Variants in RGS7 observed in about 807,000 individuals in gnomAD.
RGS7 encodes the protein regulator of G-protein signaling 7.
In RGS7, 27 loss-of-function variants were observed where a neutral mutation model predicts 81.1. That is an observed-to-expected ratio of 0.33 (90% CI 0.25 to 0.46). The LOEUF (loss-of-function observed/expected upper bound fraction) is 0.46, where lower values mean the gene tolerates loss of function less well. Ranked by LOEUF, RGS7 falls within the 20% of genes least tolerant of loss-of-function variation. RGS7 has a pLI of 1.00. For missense variants in RGS7, 396 were observed against 607.4 expected (o/e 0.65, Z 3.66); for synonymous variants, 208 against 207.7 (o/e 1.00, Z -0.01).
intron 2 of RGS7, among the ~76,000 whole-genome samples, chr1:241,219,520 A>G (rs2074772193): frequency 6.6e-6 from 1 of 152,174 alleles, no homozygotes; most frequent in African/African-American, 2.4e-5. Context: ...CAGGGACCCC[A>G]CTAGAGATGT....
intron 6 of RGS7, among the ~76,000 whole-genome samples, chr1:240,912,382 T>C (rs1375395833): frequency 6.6e-6 from 1 of 152,172 alleles, no homozygotes; most frequent in Non-Finnish European, 1.5e-5. Flanking sequence ...AAATAGTTTT[T>C]ACACTTTAAT....
chr1:241,337,301 A>G (rs562304278), intron 2 of RGS7, among the ~76,000 whole-genome samples: 2 of 152,200 alleles, frequency 1.3e-5, no homozygotes, highest in South Asian at 2.1e-4. Flanking sequence ...TCTTGCCCTG[A>G]CTCAAACGGC....
intron 2 of RGS7, among the ~76,000 whole-genome samples, chr1:241,214,179 G>C (rs570515054): frequency 6.6e-6 from 1 of 152,118 alleles, no homozygotes; most frequent in African/African-American, 2.4e-5. Flanking sequence ...CCCCCTCCTT[G>C]AGCATTTCTC....
chr1:240,958,729 T>C (rs181884825), intron 4 of RGS7, among the ~76,000 whole-genome samples: 24 of 152,264 alleles, frequency 1.6e-4, no homozygotes, highest in Admixed American at 1.3e-3. Context: ...CTTTAACATT[T>C]ATGTATATGT....
At chr1:240,876,401 A>C (rs1665422769) in intron 6 of RGS7, among the ~76,000 whole-genome samples, 1 of 152,124 alleles carries the variant, frequency 6.6e-6, no homozygotes, top group Non-Finnish European at 1.5e-5. Flanking sequence ...CCTTGATGTG[A>C]GCAGAAAGCA....
intron 3 of RGS7, among the ~76,000 whole-genome samples, chr1:241,021,223 T>C (rs1351500497): frequency 6.6e-6 from 1 of 152,186 alleles, no homozygotes; most frequent in Non-Finnish European, 1.5e-5. Flanking sequence ...TGAGTCCTCA[T>C]TCTACTGTGA....
At chr1:241,181,174 A>AC (rs2071583869) in intron 2 of RGS7, among the ~76,000 whole-genome samples, 1 of 152,346 alleles carries the variant, frequency 6.6e-6, no homozygotes, top group African/African-American at 2.4e-5. Context: ...AATGTACAAC[A>AC]CCAAGAGGGA....
chr1:240,977,315 C>T (rs549028760), intron 4 of RGS7, among the ~76,000 whole-genome samples: 32 of 152,182 alleles, frequency 2.1e-4, no homozygotes, highest in African/African-American at 6.3e-4. Context: ...TTAATCTTTC[C>T]GCCACAGTCC....
intron 18 of RGS7, among the ~76,000 whole-genome samples, chr1:240,800,241 G>A (rs1687809729): frequency 6.6e-6 from 1 of 152,062 alleles, no homozygotes; most frequent in Non-Finnish European, 1.5e-5. Flanking sequence ...AAGAACAGAG[G>A]TTCCAATAGT....
intron 3 of RGS7, among the ~76,000 whole-genome samples, chr1:241,002,366 T>C (rs1003222098): frequency 6.6e-6 from 1 of 151,382 alleles, no homozygotes; most frequent in African/African-American, 2.4e-5. Context: ...GGCATGGGAA[T>C]GGCTTGAACC....
At chr1:241,007,524 G>A (rs1439260369) in intron 3 of RGS7, among the ~76,000 whole-genome samples, 2 of 152,172 alleles carry the variant, frequency 1.3e-5, no homozygotes, top group African/African-American at 4.8e-5. Flanking sequence ...ACTCTACGTT[G>A]CTCAAGACTC....
intron 18 of RGS7, among the ~76,000 whole-genome samples, chr1:240,797,176 T>TG (rs1309132493): frequency 6.6e-6 from 1 of 152,138 alleles, no homozygotes; most frequent in Non-Finnish European, 1.5e-5. Flanking sequence ...AAACTGATAT[T>TG]GTTCACACAA....
chr1:241,310,589 C>T (rs2080472355), intron 2 of RGS7, among the ~76,000 whole-genome samples: 1 of 150,234 alleles, frequency 6.7e-6, no homozygotes, highest in African/African-American at 2.5e-5. Context: ...CTGCCCACGA[C>T]AGTCACGGAA....
chr1:240,780,266 G>A (rs982769048), intron 18 of RGS7, among the ~76,000 whole-genome samples: 21 of 151,832 alleles, frequency 1.4e-4, no homozygotes, highest in Admixed American at 1.2e-3. Context: ...GGCCAACATG[G>A]TGAAACCCCA....
chr1:241,141,686 A>G (rs73129640), intron 2 of RGS7, among the ~76,000 whole-genome samples: 1 of 152,118 alleles, frequency 6.6e-6, no homozygotes, highest in African/African-American at 2.4e-5. Flanking sequence ...ATTACCTCCC[A>G]TAGGGTCCCT....
intron 2 of RGS7, among the ~76,000 whole-genome samples, chr1:241,169,988 C>T (rs2070607567): frequency 6.6e-6 from 1 of 150,446 alleles, no homozygotes. Context: ...ATCTTAGAGA[C>T]ATCCCTGATG....
At chr1:241,242,993 A>G (rs1293214520) in intron 2 of RGS7, among the ~76,000 whole-genome samples, 1 of 152,048 alleles carries the variant, frequency 6.6e-6, no homozygotes, top group Non-Finnish European at 1.5e-5. Context: ...ATTAAGTCCC[A>G]TCTATTTATC....
intron 18 of RGS7, among the ~76,000 whole-genome samples, chr1:240,793,611 A>ATATATTTTTTTTT: frequency 1.3e-5 from 1 of 78,872 alleles, no homozygotes; most frequent in African/African-American, 9.7e-5. Flanking sequence ...ATATATATAT[A>ATATATTTTTTTTT]TTTTTTTTTT....
Position 241,002,901 on chromosome 1 carries a change from C to A in RGS7, c.176-19772G>T, listed in dbSNP as rs1276738315. On this transcript the variant is annotated intron_variant, in intron 3 of 18. Transcript: ENST00000440928. ...TATGAATACAAGTTTTCACTCAATACATTCGTAACATGAAAACAAAAAATT... is the reference window on the plus strand; with the variant it reads ...TATGAATACAAGTTTTCACTCAATAAATTCGTAACATGAAAACAAAAAATT... Among the ~76,000 whole-genome samples, 3 of 152,262 alleles carry A rather than the reference C, an allele frequency of 2.0e-5. No homozygotes were observed. The East Asian group carries it at 5.8e-4, about 29-fold the overall frequency.
Sources: gnomAD v4.1 joint callset for allele counts (sites outside exome capture counted in the v4.1 genomes callset) on GRCh38, gnomAD v4.1.1 for gene constraint, MANE v1.5 for transcripts, NCBI Gene and HGNC (gene_info 2026-07-23, HGNC 2026-07-21) for gene names.